The following HMGA2 variants were observed in gnomAD, a reference collection of about 807,000 sequenced individuals.
HMGA2 encodes the protein high mobility group protein HMGI-C.
A neutral mutation model predicts 19.1 loss-of-function variants in HMGA2; 8 were observed. The ratio of observed to expected loss-of-function variants is 0.42; its 90% CI spans 0.25 to 0.76. HMGA2 has a LOEUF of 0.76. Ranked by LOEUF, HMGA2 falls within the 30% of genes least tolerant of loss-of-function variation. The probability of loss-of-function intolerance (pLI) is 0.28; values close to 1 mark genes in which losing one functional copy is unlikely to be tolerated. For synonymous variants in HMGA2, 60 were observed against 48.8 expected (o/e 1.23, Z -0.96); for missense variants, 109 against 136.3 (o/e 0.80, Z 1.00).
At chr12:65,831,240 A>G (rs1185473476) in intron 2 of HMGA2, among the ~76,000 whole-genome samples, 2 of 151,640 alleles carry the variant, frequency 1.3e-5, no homozygotes, top group East Asian at 1.9e-4. Flanking sequence ...CAGTTCCCAG[A>G]TGGTTAGAGA....
intron 3 of HMGA2, among the ~76,000 whole-genome samples, chr12:65,869,539 C>T (rs1172749588): frequency 6.6e-6 from 1 of 152,170 alleles, no homozygotes; most frequent in Non-Finnish European, 1.5e-5. Flanking sequence ...TGCACTGACT[C>T]TTTCCCACAA....
chr12:65,890,863 C>T (rs1272104690), intron 3 of HMGA2, among the ~76,000 whole-genome samples: 1 of 151,852 alleles, frequency 6.6e-6, no homozygotes, highest in Admixed American at 6.6e-5. Context: ...AGCTGGGATC[C>T]CTGGTGTGCA....
intron 4 of HMGA2, 74 bp downstream of exon 4, chr12:65,951,489 A>C: frequency 1.2e-5 from 11 of 927,712 alleles, no homozygotes; most frequent in Non-Finnish European, 1.9e-5. Flanking sequence ...ATGTCCCCAA[A>C]CTAAACCTTA....
intron 3 of HMGA2, chr12:65,856,998 T>C (rs1871779755): frequency 6.6e-6 from 1 of 152,196 alleles, no homozygotes; most frequent in East Asian, 1.9e-4. Context: ...TATATCTTTT[T>C]AGGGGACACA....
At chr12:65,842,298 T>G in intron 3 of HMGA2, 1 of 595,224 alleles carries the variant, frequency 1.7e-6, no homozygotes, top group Non-Finnish European at 3.1e-6. Context: ...AGATAATGCA[T>G]GCAAAGGGCT....
intron 3 of HMGA2, among the ~76,000 whole-genome samples, chr12:65,949,102 A>G (rs968999179): frequency 2.0e-5 from 3 of 152,164 alleles, no homozygotes; most frequent in African/African-American, 7.2e-5. Flanking sequence ...TTTGTGTCCT[A>G]AGAGGCAAGA....
chr12:65,841,051 T>G (rs910688182), intron 3 of HMGA2, among the ~76,000 whole-genome samples: 1 of 152,188 alleles, frequency 6.6e-6, no homozygotes, highest in African/African-American at 2.4e-5. Flanking sequence ...GTCATTCAGT[T>G]TACATCTACC....
intron 3 of HMGA2, among the ~76,000 whole-genome samples, chr12:65,896,598 G>A (rs572530066): frequency 1.2e-4 from 18 of 152,202 alleles, no homozygotes; most frequent in African/African-American, 3.4e-4. Context: ...ATTTGTGTGC[G>A]TGTGCAGCAT....
intron 3 of HMGA2, among the ~76,000 whole-genome samples, chr12:65,860,337 G>A (rs1871990782): frequency 6.6e-6 from 1 of 152,164 alleles, no homozygotes; most frequent in African/African-American, 2.4e-5. Context: ...TACTGAAAGT[G>A]AAAAACAGAA....
chr12:65,834,972 A>G (rs1870650512), intron 2 of HMGA2, among the ~76,000 whole-genome samples: 1 of 152,218 alleles, frequency 6.6e-6, no homozygotes, highest in Non-Finnish European at 1.5e-5. Context: ...ATGAGATATG[A>G]TTGTTGTAAA....
intron 3 of HMGA2, among the ~76,000 whole-genome samples, chr12:65,865,977 G>T (rs987586815): frequency 6.6e-6 from 1 of 152,138 alleles, no homozygotes; most frequent in Non-Finnish European, 1.5e-5. Flanking sequence ...TCAAGCTAGA[G>T]TTGCTGGCTA....
At chr12:65,879,964 C>G (rs1458463385) in intron 3 of HMGA2, among the ~76,000 whole-genome samples, 1 of 152,154 alleles carries the variant, frequency 6.6e-6, no homozygotes, top group Non-Finnish European at 1.5e-5. Flanking sequence ...AAGTGCTATT[C>G]TATTCTGCAG....
At chr12:65,944,839 G>T (rs549411331) in intron 3 of HMGA2, among the ~76,000 whole-genome samples, 2 of 152,224 alleles carry the variant, frequency 1.3e-5, no homozygotes, top group African/African-American at 4.8e-5. Flanking sequence ...AGGTCTGCAG[G>T]AGGGTTTGCA....
intron 3 of HMGA2, among the ~76,000 whole-genome samples, chr12:65,868,261 A>G (rs1872534386): frequency 6.6e-6 from 1 of 152,190 alleles, no homozygotes; most frequent in Non-Finnish European, 1.5e-5. Context: ...TGCAGTGCAG[A>G]TAAGTGCCTG....
intron 3 of HMGA2, among the ~76,000 whole-genome samples, chr12:65,903,229 C>T (rs377516285): frequency 4.1e-4 from 62 of 152,128 alleles, no homozygotes; most frequent in African/African-American, 1.5e-3. Context: ...CAATTTGGAA[C>T]TAATGGCTTT....
intron 3 of HMGA2, among the ~76,000 whole-genome samples, chr12:65,913,885 C>G (rs533646260): frequency 3.7e-4 from 56 of 152,326 alleles, no homozygotes; most frequent in African/African-American, 1.2e-3. Flanking sequence ...ATACTCTCCT[C>G]TACATCAGTT....
intron 2 of HMGA2, 191 bp downstream of exon 2, chr12:65,828,278 G>C (rs1403114197): frequency 1.4e-5 from 6 of 433,296 alleles, no homozygotes; most frequent in Non-Finnish European, 2.2e-5. Context: ...AGCATAAAAA[G>C]TTTATGAAGA....
chr12:65,876,226 CAA>C (rs34159695), intron 3 of HMGA2, among the ~76,000 whole-genome samples: 1 of 144,890 alleles, frequency 6.9e-6, no homozygotes, highest in South Asian at 2.1e-4. Flanking sequence ...CCTGTTTTTT[CAA>C]AAAAAAAATG....
At chr12:65,844,050 CAAAAAAAA>C (rs3048828) in intron 3 of HMGA2, among the ~76,000 whole-genome samples, 1 of 79,770 alleles carries the variant, frequency 1.3e-5, no homozygotes, top group East Asian at 3.4e-4. Flanking sequence ...GACTCCATCT[CAAAAAAAA>C]AAAAAAAAAA....
Sources: gnomAD v4.1 joint callset for allele counts (sites outside exome capture counted in the v4.1 genomes callset) on GRCh38, gnomAD v4.1.1 for gene constraint, MANE v1.5 for transcripts, NCBI Gene and HGNC (gene_info 2026-07-23, HGNC 2026-07-21) for gene names.